The following HTR1E variants were observed in gnomAD, a reference collection of about 807,000 sequenced individuals.
HTR1E encodes 5-HT-1E.
In HTR1E, 3 loss-of-function variants were observed where a neutral mutation model predicts 3.4. That is an observed-to-expected ratio of 0.89 (90% CI 0.41 to 2.31). HTR1E has a LOEUF of 2.31. Among genes scored for constraint, HTR1E ranks in the 30% most tolerant of loss-of-function variants. The pLI is 0.05. For missense variants in HTR1E, 392 were observed against 467.0 expected, an observed-to-expected ratio of 0.84 and a Z score of 1.48; for synonymous variants, 170 against 182.8, an observed-to-expected ratio of 0.93 and a Z score of 0.56.
chr6:87,002,275 C>A lies in HTR1E; in HGVS notation c.-185-12875C>A, dbSNP rs540987697. On this transcript the variant is annotated intron_variant, in intron 1 of 1. Coordinates refer to ENST00000305344, the MANE Select transcript of HTR1E (RefSeq NM_000865.3). ...TTCTTACTTCTGGTGGGTTCGTGGT[C>A]TTGCTGACTTCAGGAGCGAAGCCAT... is the stretch of plus-strand genomic sequence containing the variant. Among the ~76,000 whole-genome samples, 28 of 152,288 alleles carry A rather than the reference C, an allele frequency of 1.8e-4. No homozygotes were observed. The South Asian group carries it at 3.9e-3, about 21-fold the overall frequency.
At position 86,991,014 on chromosome 6, in the gene HTR1E, T is replaced by C. The variant is rs114071371; in HGVS notation, c.-185-24136T>C. Among the ~76,000 whole-genome samples, 511 of 152,298 alleles carry C rather than the reference T, an allele frequency of 3.4e-3. 7 individuals carry two copies. The highest frequency in any genetic ancestry group is 0.01 in the African/African-American group (430 of 41,584). The stretch of plus-strand genomic sequence containing the variant: ...CAAGTGAATATCATGTTCTCTAATA[T>C]GATCTAATGAGAAGGGCTTGACTTC... On this transcript the variant is annotated intron_variant, in intron 1 of 1. Transcript: ENST00000305344.
At chr6:86,964,052 G>A (rs1364585075) in intron 1 of HTR1E, among the ~76,000 whole-genome samples, 2 of 152,304 alleles carry the variant, frequency 1.3e-5, no homozygotes, top group Admixed American at 6.5e-5. Context: ...AACCCTAGAA[G>A]AGAAGTTGCA....
chr6:86,952,845 C>T (rs1767266484), intron 1 of HTR1E, among the ~76,000 whole-genome samples: 1 of 152,110 alleles, frequency 6.6e-6, no homozygotes, highest in East Asian at 1.9e-4. Context: ...AAAATGATTA[C>T]AAGAAGCAAA....
intron 1 of HTR1E, among the ~76,000 whole-genome samples, chr6:86,960,996 C>T (rs144279017): frequency 6.6e-6 from 1 of 152,202 alleles, no homozygotes; most frequent in Non-Finnish European, 1.5e-5. Context: ...TACACATATA[C>T]TGTATGTTTA....
chr6:87,002,961 A>G (rs899041593), intron 1 of HTR1E, among the ~76,000 whole-genome samples: 1 of 152,240 alleles, frequency 6.6e-6, no homozygotes, highest in African/African-American at 2.4e-5. Flanking sequence ...AATCTGCACT[A>G]TAGACCAAAT....
chr6:86,960,027 G>A (rs1222413257), intron 1 of HTR1E, among the ~76,000 whole-genome samples: 1 of 152,178 alleles, frequency 6.6e-6, no homozygotes, highest in African/African-American at 2.4e-5. Flanking sequence ...GCAAACTGAA[G>A]AGGCACACTG....
At chr6:86,986,626 G>A (rs1767792168) in intron 1 of HTR1E, among the ~76,000 whole-genome samples, 1 of 152,162 alleles carries the variant, frequency 6.6e-6, no homozygotes, top group Non-Finnish European at 1.5e-5. Flanking sequence ...CCCATGAGTT[G>A]AAGTTTATAT....
chr6:86,995,688 G>A (rs75033892), intron 1 of HTR1E, among the ~76,000 whole-genome samples: 10,627 of 52,800 alleles, frequency 0.2, 47 homozygotes, highest in Non-Finnish European at 0.26. Context: ...AAAAAAAAAA[G>A]AAAAAAAAAA....
At chr6:86,957,360 C>T (rs1298257456) in intron 1 of HTR1E, among the ~76,000 whole-genome samples, 1 of 152,150 alleles carries the variant, frequency 6.6e-6, no homozygotes, top group Non-Finnish European at 1.5e-5. Flanking sequence ...TTTAAAAAGG[C>T]AATAAAATAA....
At chr6:87,005,311 A>G (rs561595864) in intron 1 of HTR1E, among the ~76,000 whole-genome samples, 1 of 152,216 alleles carries the variant, frequency 6.6e-6, no homozygotes, top group Admixed American at 6.5e-5. Context: ...ACAAAACTGG[A>G]CGAATAACAT....
intron 1 of HTR1E, among the ~76,000 whole-genome samples, chr6:87,013,615 A>C (rs538952941): frequency 3.3e-5 from 5 of 152,282 alleles, no homozygotes; most frequent in African/African-American, 7.2e-5. Context: ...TTTTTTCTTT[A>C]ACGGCCCCAG....
chr6:87,008,915 A>G (rs1484466959), intron 1 of HTR1E, among the ~76,000 whole-genome samples: 1 of 152,168 alleles, frequency 6.6e-6, no homozygotes, highest in East Asian at 1.9e-4. Context: ...TCTAAAAATA[A>G]CCACTCTCCT....
At chr6:86,960,242 AGT>A (rs1019033986) in intron 1 of HTR1E, among the ~76,000 whole-genome samples, 56 of 152,152 alleles carry the variant, frequency 3.7e-4, no homozygotes, top group African/African-American at 1.3e-3. Flanking sequence ...CAAGGCAAAA[AGT>A]GGAAGGACAG....
intron 1 of HTR1E, among the ~76,000 whole-genome samples, chr6:87,010,258 C>T (rs1220355554): frequency 6.2e-5 from 7 of 113,082 alleles, no homozygotes; most frequent in African/African-American, 1.6e-4. Context: ...TCAGTAGGGG[C>T]GGCCGGGCAG....
intron 1 of HTR1E, among the ~76,000 whole-genome samples, chr6:87,005,402 T>G (rs1047695908): frequency 6.6e-6 from 1 of 152,024 alleles, no homozygotes; most frequent in South Asian, 2.1e-4. Context: ...CATAGACCAA[T>G]GAAACAAAAT....
At chr6:86,971,366 T>C (rs767074284) in intron 1 of HTR1E, among the ~76,000 whole-genome samples, 3 of 152,198 alleles carry the variant, frequency 2.0e-5, no homozygotes, top group Non-Finnish European at 4.4e-5. Context: ...TCAGAAACTT[T>C]ATGGATTATA....
chr6:86,996,044 C>T (rs1160490021), intron 1 of HTR1E, among the ~76,000 whole-genome samples: 1 of 152,000 alleles, frequency 6.6e-6, no homozygotes. Context: ...CTTCCATACC[C>T]CACTCAAAAA....
chr6:87,015,200 A>G lies in HTR1E; in HGVS notation c.-135A>G. ...TGGCCCTTCCCTTTACCAACAGAAA[A>G]TGGAACACAAGAGACCACATAGCTG... On this transcript the variant is annotated 5_prime_UTR_variant, in exon 2 of 2. The change abolishes an upstream ATG in the 5' untranslated region. Coordinates refer to ENST00000305344, the MANE Select transcript of HTR1E (RefSeq NM_000865.3). 8.6e-6 allele frequency: 5 copies of G among 583,056 alleles called. No homozygotes were observed. Among genetic ancestry groups the G allele is most frequent in the Non-Finnish European group, 1.3e-5 (5 of 378,830 alleles). The allele number at this position is 583,056 out of a possible 1,614,324, so 36.1% of individuals were successfully genotyped here.
At chr6:86,971,069 T>C (rs1767546937) in intron 1 of HTR1E, 3 of 510,846 alleles carry the variant, frequency 5.9e-6, no homozygotes, top group East Asian at 5.5e-5. Flanking sequence ...AATAACTTCC[T>C]GTGGCCCTCC....
Sources: gnomAD v4.1 joint callset for allele counts (sites outside exome capture counted in the v4.1 genomes callset) on GRCh38, gnomAD v4.1.1 for gene constraint, MANE v1.5 for transcripts, NCBI Gene and HGNC (gene_info 2026-07-23, HGNC 2026-07-21) for gene names.